Variants in FAT1 observed in about 807,000 individuals in gnomAD.
FAT1 encodes the protein FAT atypical cadherin 1, also known as protocadherin Fat 1.
Under a neutral mutation model 329.8 loss-of-function variants are expected in FAT1, and 171 were observed. The observed-to-expected ratio is 0.52, with a 90% CI of 0.46 to 0.59. The LOEUF (loss-of-function observed/expected upper bound fraction) is 0.59. FAT1 is among the 20% of genes least tolerant of loss of function. FAT1 has a pLI of 0.00. For missense variants in FAT1, 5,672 were observed against 5,774.4 expected, an observed-to-expected ratio of 0.98 and a Z score of 0.57; for synonymous variants, 2,233 against 2,228.6, an observed-to-expected ratio of 1.00 and a Z score of -0.06.
chr4:186,656,553 T>C (rs1025898509), intron 3 of FAT1, among the ~76,000 whole-genome samples: 1 of 149,298 alleles, frequency 6.7e-6, no homozygotes, highest in Non-Finnish European at 1.5e-5. Context: ...CACATACACA[T>C]ACATCACAAA....
At chr4:186,640,978 T>A (rs1269610314) in intron 3 of FAT1, among the ~76,000 whole-genome samples, 1 of 152,214 alleles carries the variant, frequency 6.6e-6, no homozygotes, top group African/African-American at 2.4e-5. Flanking sequence ...TTTTCTCATA[T>A]GGAAATACCT....
rs1224249147 is a variant in FAT1, at chr4:186,709,268, C to A, written c.560G>T (p.Ser187Ile). The A allele has an allele frequency of 6.2e-7, 1 of 1,613,860 alleles. No homozygotes were observed. Among genetic ancestry groups the A allele is most frequent in the African/African-American group, 1.3e-5 (1 of 74,908 alleles). The change falls in exon 2 of 27, where the codon AGT (serine) becomes ATT (isoleucine). Residue 187 changes from serine to isoleucine, a missense_variant. This residue lies in a region of FAT1 where 3,966 missense variants were observed against 3,915.2 expected (regional missense o/e 1.01). Coordinates refer to ENST00000441802, the MANE Select transcript of FAT1 (RefSeq NM_005245.4). The stretch of plus-strand genomic sequence containing the variant: ...AAACATATCTGTTCGATCTTTAAAA[C>A]TGTAGTAAAATTCCCCGTTGGTTCC... ...DIGTNGEFYY[S>I]FKDRTDMFAI...
At chr4:186,657,149 A>C (rs1741941185) in intron 3 of FAT1, among the ~76,000 whole-genome samples, 1 of 152,182 alleles carries the variant, frequency 6.6e-6, no homozygotes, top group South Asian at 2.1e-4. Flanking sequence ...GTCCAAGAGA[A>C]ATGGAAGTAT....
At chr4:186,647,179 C>T (rs964825946) in intron 3 of FAT1, among the ~76,000 whole-genome samples, 5 of 152,134 alleles carry the variant, frequency 3.3e-5, no homozygotes, top group Non-Finnish European at 7.3e-5. Context: ...GAAACAACTA[C>T]CACATGTAAA....
In FAT1 at chr4:186,645,746, G is replaced by A. The variant is rs1208012309; in HGVS notation, c.3581-5963C>T. 4.0e-5 allele frequency among the ~76,000 whole-genome samples: 6 copies of A among 151,634 alleles called. No homozygotes were observed. In the East Asian group the frequency reaches 9.7e-4, roughly 25 times the overall value. On this transcript the variant is annotated intron_variant, in intron 3 of 26. Transcript: ENST00000441802. Reference sequence around the variant, plus strand: ...GAATCACTTGAGGCTAGGAGTTCGAGACCAGCTTGGTCAACATGGAGAAAC... The same window carrying A: ...GAATCACTTGAGGCTAGGAGTTCGAAACCAGCTTGGTCAACATGGAGAAAC...
chr4:186,595,477 C>T (rs1026864892), intron 26 of FAT1, among the ~76,000 whole-genome samples: 3 of 152,304 alleles, frequency 2.0e-5, no homozygotes, highest in East Asian at 3.9e-4. Context: ...TTCTCTATTA[C>T]TGACAAGTTC....
chr4:186,627,331 A>C (rs1560948635), intron 9 of FAT1, among the ~76,000 whole-genome samples: 1 of 152,190 alleles, frequency 6.6e-6, no homozygotes, highest in Non-Finnish European at 1.5e-5. Flanking sequence ...TGAGTGACCA[A>C]CATGGCACCT....
At chr4:186,683,285 G>A (rs887610287) in intron 2 of FAT1, among the ~76,000 whole-genome samples, 7 of 152,064 alleles carry the variant, frequency 4.6e-5, no homozygotes, top group East Asian at 3.9e-4. Flanking sequence ...CCTCATCTCT[G>A]TGTTGACTCG....
At chr4:186,652,494 G>C (rs955596963) in intron 3 of FAT1, among the ~76,000 whole-genome samples, 1 of 152,152 alleles carries the variant, frequency 6.6e-6, no homozygotes, top group Non-Finnish European at 1.5e-5. Flanking sequence ...AATAACATTT[G>C]ACTTCTTGCA....
At chr4:186,597,877 T>C (rs1422842409) in intron 23 of FAT1, 85 bp from the exon 24 acceptor site, 4 of 1,561,356 alleles carry the variant, frequency 2.6e-6, no homozygotes, top group African/African-American at 1.4e-5. Context: ...CAGAACACAT[T>C]AGCAAATTAA....
chr4:186,597,366 T>C (rs1738583086), intron 24 of FAT1, 195 bp from the exon 25 acceptor site: 1 of 621,726 alleles, frequency 1.6e-6, no homozygotes, highest in South Asian at 2.3e-5. Flanking sequence ...AATCATGTGA[T>C]CGCATGCTTT....
rs1738564350 is a variant in FAT1, at chr4:186,597,071, A to G, written c.12469T>C (p.Tyr4157His). Residue 4157 changes from tyrosine (Y) to histidine (H), a missense_variant, in exon 25 of 27, where the codon TAC (tyrosine) becomes CAC (histidine). Tyr to His is a moderately conservative substitution (Grantham distance 83). This residue lies in a region of FAT1 where 1,706 missense variants were observed against 1,859.1 expected (regional missense o/e 0.92). Transcript: ENST00000441802. Reference sequence around the variant, plus strand: ...GCATCCTCGCAGTGACGTCCCCTGTACTCGTGGCTGCAGTTGCAGTGATAG... The same window carrying G: ...GCATCCTCGCAGTGACGTCCCCTGTGCTCGTGGCTGCAGTTGCAGTGATAG... ...GSYHCNCSHE[Y>H]RGRHCEDAAP... 1.2e-6 allele frequency: 2 copies of G among 1,613,754 alleles called. No homozygotes were observed. Among genetic ancestry groups the G allele is most frequent in the African/African-American group, 1.3e-5 (1 of 74,882 alleles).
At chr4:186,612,489 TA>T (rs935848561) in intron 13 of FAT1, among the ~76,000 whole-genome samples, 2 of 151,330 alleles carry the variant, frequency 1.3e-5, no homozygotes, top group South Asian at 2.1e-4. Context: ...ACCGATGCTT[TA>T]AAAAAAAATG....
At chr4:186,652,171 G>A (rs1271839520) in intron 3 of FAT1, among the ~76,000 whole-genome samples, 1 of 152,124 alleles carries the variant, frequency 6.6e-6, no homozygotes, top group African/African-American at 2.4e-5. Flanking sequence ...GAAAATTGAT[G>A]GCATTAAAAC....
rs199769454 is a variant in FAT1, at chr4:186,621,280, T to C, written c.5306A>G (p.Glu1769Gly). Reference protein sequence around the residue: ...NDNAPVFMQAEYTGLISESAS... With the variant: ...NDNAPVFMQAGYTGLISESAS... ...TGATTCACTAATGAGTCCTGTATAT[T>C]CTGCCTGCATAAAAACTGGCGCGTT... is the stretch of plus-strand genomic sequence containing the variant. The change falls in exon 10 of 27, where the codon GAA (glutamate) becomes GGA (glycine). Residue 1769 changes from glutamate to glycine, a missense_variant. Glu to Gly is a moderately conservative substitution (Grantham distance 98, BLOSUM62 -2). This residue lies in a region of FAT1 where 3,966 missense variants were observed against 3,915.2 expected (regional missense o/e 1.01). Coordinates refer to ENST00000441802, the MANE Select transcript of FAT1 (RefSeq NM_005245.4). The C allele has an allele frequency of 4.4e-4, 705 of 1,613,934 alleles. No homozygotes were observed. The highest frequency in any genetic ancestry group is 5.8e-4 in the Non-Finnish European group (686 of 1,179,908).
At chr4:186,704,104 C>A (rs1242473506) in intron 2 of FAT1, among the ~76,000 whole-genome samples, 1 of 152,324 alleles carries the variant, frequency 6.6e-6, no homozygotes, top group East Asian at 1.9e-4. Context: ...CTACTGTACA[C>A]TACTTACTTT....
intron 3 of FAT1, among the ~76,000 whole-genome samples, chr4:186,653,603 T>C (rs1008307444): frequency 2.3e-4 from 35 of 152,220 alleles, no homozygotes; most frequent in African/African-American, 8.4e-4. Context: ...CACAGTAGCT[T>C]GTTTTTGTGT....
intron 1 of FAT1, among the ~76,000 whole-genome samples, chr4:186,711,035 A>G (rs1187103210): frequency 1.2e-4 from 18 of 152,242 alleles, no homozygotes; most frequent in Non-Finnish European, 2.9e-5. Flanking sequence ...CACAAAGGAC[A>G]GCACTGTCAT....
In FAT1 at chr4:186,597,726, C is replaced by T. The variant is rs2126399300; in HGVS notation, c.12324G>A (p.Leu4108=). 1 of 1,613,900 alleles carries T rather than the reference C, an allele frequency of 6.2e-7. No individual in the cohort carries two copies. The highest frequency in any genetic ancestry group is 8.5e-7 in the Non-Finnish European group (1 of 1,179,880). ...CKNGGTCFDS[L]DGAVCQCDSG... is the part of the protein sequence containing the mutation. Reference sequence around the variant, plus strand: ...AATCACACTGACAAACGGCGCCATCCAAACTGTCAAAGCATGTTCCGCCAT... The same window carrying T: ...AATCACACTGACAAACGGCGCCATCTAAACTGTCAAAGCATGTTCCGCCAT... Residue 4108 remains leucine (L), a synonymous_variant, in exon 24 of 27, where the codon TTG becomes TTA. Coordinates refer to ENST00000441802, the MANE Select transcript of FAT1 (RefSeq NM_005245.4).
Sources: allele counts gnomAD v4.1 joint callset (sites outside exome capture counted in the v4.1 genomes callset), GRCh38; gene constraint gnomAD v4.1.1; regional missense constraint gnomAD v4.1.1; transcripts MANE v1.5; gene names NCBI Gene and HGNC (gene_info 2026-07-23, HGNC 2026-07-21).